The following SYNE2 variants were observed in gnomAD, a reference collection of about 807,000 sequenced individuals.
The protein encoded by SYNE2 is spectrin repeat containing nuclear envelope protein 2, also known as nesprin-2.
SYNE2 carries 431 observed loss-of-function variants against 856.3 expected under a neutral mutation model. That is an observed-to-expected ratio of 0.50 (90% CI 0.47 to 0.55). The LOEUF is 0.55. Among genes scored for constraint, SYNE2 ranks in the 20% least tolerant of loss-of-function variants. SYNE2 has a pLI of 0.00. For synonymous variants in SYNE2, 2,923 were observed against 2,872.3 expected (o/e 1.02, Z -0.56); for missense variants, 8,129 against 8,023.2 (o/e 1.01, Z -0.50).
At chr14:64,060,322 G>A (rs2097306604) in intron 49 of SYNE2, among the ~76,000 whole-genome samples, 1 of 151,986 alleles carries the variant, frequency 6.6e-6, no homozygotes, top group Non-Finnish European at 1.5e-5. Flanking sequence ...GGTTGCCACT[G>A]TTGATTATTC....
At chr14:63,969,205 C>T (rs939743237) in intron 11 of SYNE2, among the ~76,000 whole-genome samples, 4 of 149,032 alleles carry the variant, frequency 2.7e-5, no homozygotes, top group African/African-American at 7.4e-5. Context: ...AGTCTTGCTC[C>T]GTTGCCCAGG....
Position 64,184,084 on chromosome 14 carries a change from C to T in SYNE2, c.17557-2340C>T, listed in dbSNP as rs555507262. On this transcript the variant is annotated intron_variant, in intron 96 of 115. Transcript: ENST00000555002. ...AGCTCTAGTAAACTTCCACAAGAGA[C>T]CTCATTCTATATATTGTTTGACTCC... Among the ~76,000 whole-genome samples the T allele has an allele frequency of 9.9e-5, 15 of 151,992 alleles. No individual in the cohort carries two copies. The South Asian group carries it at 1.7e-3, about 17-fold the overall frequency.
At chr14:63,851,243 C>G (rs1484732625), upstream of SYNE2, among the ~76,000 whole-genome samples, 1 of 152,164 alleles carries the variant, frequency 6.6e-6, no homozygotes, top group Non-Finnish European at 1.5e-5. Context: ...CGCCTGTAAT[C>G]CCAGCTACTT....
chr14:63,949,953 G>A lies in SYNE2; in HGVS notation c.537G>A (p.Trp179Ter). 1 of 1,614,092 alleles carries A rather than the reference G, an allele frequency of 6.2e-7. No homozygotes were observed. Among genetic ancestry groups the A allele is most frequent in the Non-Finnish European group, 8.5e-7 (1 of 1,180,006 alleles). ...AKKCSKVQAR[W>*]QMSARKALLL... ...AATGCTCTAAAGTGCAAGCAAGATG[G>A]CAAATGTCTGCAAGAAAGGCCCTTC... The change falls in exon 7 of 116, where the codon TGG (tryptophan) becomes TGA (stop). Residue 179 changes from tryptophan to a stop codon, truncating the protein, a stop_gained. Transcript: ENST00000555002. LOFTEE classifies it high-confidence loss of function.
At chr14:63,948,426 G>T (rs1047952062) in intron 6 of SYNE2, among the ~76,000 whole-genome samples, 1 of 152,010 alleles carries the variant, frequency 6.6e-6, no homozygotes, top group Non-Finnish European at 1.5e-5. Flanking sequence ...CATTTTGGGA[G>T]GCTGAGGCAG....
chr14:63,985,110 A>G (rs1466251898), intron 18 of SYNE2, among the ~76,000 whole-genome samples: 1 of 152,214 alleles, frequency 6.6e-6, no homozygotes, highest in Non-Finnish European at 1.5e-5. Flanking sequence ...CAGGCAGATC[A>G]TTTGAGGTCA....
intron 53 of SYNE2, 184 bp from the exon 54 acceptor site, chr14:64,075,761 G>A (rs559329584): frequency 1.7e-6 from 1 of 601,882 alleles, no homozygotes; most frequent in Admixed American, 2.8e-5. Flanking sequence ...TTACAAATTA[G>A]AAAGCATCAT....
At chr14:64,024,217 C>G (rs750584169) in intron 38 of SYNE2, 40 bp from the exon 39 acceptor site, 5 of 1,597,108 alleles carry the variant, frequency 3.1e-6, no homozygotes, top group Middle Eastern at 1.7e-4. Context: ...CACATTCAGA[C>G]TTGCCAGGAG....
At chr14:64,043,671 G>C (rs1233671772) in intron 45 of SYNE2, among the ~76,000 whole-genome samples, 1 of 152,358 alleles carries the variant, frequency 6.6e-6, no homozygotes, top group African/African-American at 2.4e-5. Context: ...CTTCCATGTG[G>C]TGTTGAGCCT....
intron 1 of SYNE2, among the ~76,000 whole-genome samples, chr14:63,896,346 A>T (rs937608777): frequency 3.9e-5 from 6 of 152,186 alleles, no homozygotes; most frequent in Non-Finnish European, 8.8e-5. Context: ...GGCTTGTGGG[A>T]TCACACTGAA....
At chr14:63,827,919 A>C (rs1889519385) in intron 1 of SYNE2, among the ~76,000 whole-genome samples, 1 of 151,328 alleles carries the variant, frequency 6.6e-6, no homozygotes, top group Non-Finnish European at 1.5e-5. Flanking sequence ...GGGGCTGGGC[A>C]CAGTGGCTCA....
intron 71 of SYNE2, among the ~76,000 whole-genome samples, chr14:64,126,083 C>G (rs559012106): frequency 7.2e-5 from 11 of 152,314 alleles, no homozygotes; most frequent in African/African-American, 2.4e-4. Flanking sequence ...CATGATTTAC[C>G]TTTTAGTTCC....
chr14:64,115,378 G>T (rs182604193), intron 66 of SYNE2, among the ~76,000 whole-genome samples: 7 of 152,232 alleles, frequency 4.6e-5, no homozygotes, highest in South Asian at 2.1e-4. Flanking sequence ...CCACCCAGAG[G>T]GGGAGGAAGG....
intron 51 of SYNE2, 139 bp from the exon 52 acceptor site, chr14:64,070,506 C>G: frequency 1.4e-6 from 1 of 705,062 alleles, no homozygotes; most frequent in East Asian, 2.7e-5. Context: ...GATTAATATT[C>G]CCAGCTATAG....
chr14:64,058,277 T>G (rs191049941), intron 49 of SYNE2, among the ~76,000 whole-genome samples: 187 of 152,292 alleles, frequency 1.2e-3, no homozygotes, highest in African/African-American at 4.3e-3. Context: ...TAATCCATTT[T>G]GATTTGAGTT....
Position 63,978,000 on chromosome 14 carries a change from G to A in SYNE2, c.1389G>A (p.Leu463=). ...TGCCATTGGTACCACCTAACAAATT[G>A]GAGGAAATGAAAAGACGGTGTGTAA... ...NHLPLVPPNK[L]EEMKRRINNI... is the part of the protein sequence containing the mutation. The change falls in exon 13 of 116, where the codon TTG becomes TTA. Residue 463 remains leucine (L), a synonymous_variant. Coordinates refer to ENST00000555002, the MANE Select transcript of SYNE2 (RefSeq NM_182914.3). The A allele has an allele frequency of 6.2e-7, 1 of 1,611,108 alleles. No homozygotes were observed. Among genetic ancestry groups the A allele is most frequent in the Non-Finnish European group, 8.5e-7 (1 of 1,177,344 alleles).
chr14:64,099,244 G>T (rs1280041047), intron 63 of SYNE2: 3 of 211,290 alleles, frequency 1.4e-5, no homozygotes, highest in East Asian at 1.3e-4. Context: ...CTAAGAATTT[G>T]TACTACTTGA....
At chr14:64,178,820 C>T (rs2098445846) in intron 96 of SYNE2, among the ~76,000 whole-genome samples, 1 of 152,140 alleles carries the variant, frequency 6.6e-6, no homozygotes. Flanking sequence ...ACTATAATCC[C>T]AGCACTTTGG....
intron 56 of SYNE2, 145 bp from the exon 57 acceptor site, chr14:64,081,296 AGG>A: frequency 1.1e-6 from 1 of 880,614 alleles, no homozygotes; most frequent in Non-Finnish European, 1.9e-6. Flanking sequence ...AGCCTAGAGC[AGG>A]TGAATAAGTA....
Sources: gnomAD v4.1 joint callset for allele counts (sites outside exome capture counted in the v4.1 genomes callset) on GRCh38, gnomAD v4.1.1 for gene constraint, MANE v1.5 for transcripts, NCBI Gene and HGNC (gene_info 2026-07-23, HGNC 2026-07-21) for gene names.